FAM117B: variants seen among roughly 807,000 people sequenced by gnomAD.
FAM117B encodes the protein family with sequence similarity 117 member B.
In FAM117B, 22 loss-of-function variants were observed where a neutral mutation model predicts 52.8. That is an observed-to-expected ratio of 0.42 (90% CI 0.30 to 0.59). The LOEUF (loss-of-function observed/expected upper bound fraction) is 0.59. FAM117B is among the 20% of genes least tolerant of loss of function. The pLI, the probability that FAM117B is intolerant of heterozygous loss-of-function variation, is 0.22. For missense variants in FAM117B, 678 were observed against 802.6 expected (o/e 0.84, Z 1.88); for synonymous variants, 309 against 324.1 (o/e 0.95, Z 0.50).
chr2:202,696,737 G>A (rs961019954), intron 2 of FAM117B, among the ~76,000 whole-genome samples: 7 of 152,092 alleles, frequency 4.6e-5, no homozygotes, highest in African/African-American at 1.4e-4. Flanking sequence ...TATACTTCTG[G>A]GTTTGTAAAA....
At chr2:202,655,285 TGGG>T in intron 1 of FAM117B, among the ~76,000 whole-genome samples, 1 of 152,282 alleles carries the variant, frequency 6.6e-6, no homozygotes, top group Middle Eastern at 3.4e-3. Context: ...TGAAGGGTAT[TGGG>T]GAGTTTGTAG....
chr2:202,661,655 C>T (rs1690128099), intron 1 of FAM117B, among the ~76,000 whole-genome samples: 1 of 152,134 alleles, frequency 6.6e-6, no homozygotes, highest in Non-Finnish European at 1.5e-5. Context: ...TTGGCTCACA[C>T]CTGCAATCCT....
chr2:202,675,984 C>CAAAAAA (rs778502048), intron 1 of FAM117B, among the ~76,000 whole-genome samples: 3 of 56,748 alleles, frequency 5.3e-5, no homozygotes, highest in Non-Finnish European at 7.8e-5. Context: ...GACACAGTCT[C>CAAAAAA]AAAAAAAAAA....
intron 4 of FAM117B, among the ~76,000 whole-genome samples, chr2:202,726,579 T>C (rs370646294): frequency 6.6e-6 from 1 of 152,210 alleles, no homozygotes; most frequent in Non-Finnish European, 1.5e-5. Flanking sequence ...CTAGGAGACA[T>C]AGCTACTTAT....
chr2:202,657,971 C>G (rs922576778), intron 1 of FAM117B, among the ~76,000 whole-genome samples: 1 of 152,120 alleles, frequency 6.6e-6, no homozygotes, highest in Non-Finnish European at 1.5e-5. Context: ...TAATACTTTA[C>G]TGCTTCAGGT....
chr2:202,660,716 C>T (rs1219205283), intron 1 of FAM117B, among the ~76,000 whole-genome samples: 2 of 152,122 alleles, frequency 1.3e-5, no homozygotes, highest in Non-Finnish European at 2.9e-5. Flanking sequence ...CATGAACTTC[C>T]TACAACTGGA....
At chr2:202,677,190 C>T (rs907616452) in intron 1 of FAM117B, among the ~76,000 whole-genome samples, 2 of 152,000 alleles carry the variant, frequency 1.3e-5, no homozygotes, top group Admixed American at 1.3e-4. Flanking sequence ...GCCTCAGCCT[C>T]CCGAGTAGCT....
intron 4 of FAM117B, among the ~76,000 whole-genome samples, chr2:202,744,052 G>A (rs1191167079): frequency 6.6e-6 from 1 of 152,150 alleles, no homozygotes; most frequent in East Asian, 1.9e-4. Context: ...AACCCAAAAA[G>A]GTCTTCTCCA....
chr2:202,740,596 T>C (rs1691518046), intron 4 of FAM117B, among the ~76,000 whole-genome samples: 1 of 152,090 alleles, frequency 6.6e-6, no homozygotes, highest in African/African-American at 2.4e-5. Context: ...TACAGGAAAA[T>C]AGTGTGGAAG....
rs2105787101 is a variant in FAM117B at position 202,725,104 on chromosome 2, C to G, written c.846+95C>G. The G allele has an allele frequency of 1.6e-5, 14 of 873,258 alleles. No individual in the cohort carries two copies. In the South Asian group the frequency reaches 2.6e-4, roughly 16 times the overall value. 54.1% of individuals were successfully genotyped at this position (873,258 alleles called of 1,614,324 possible). On this transcript the variant is annotated intron_variant, in intron 3 of 7. Coordinates refer to ENST00000392238, the MANE Select transcript of FAM117B (RefSeq NM_173511.4). ...ATGGGCAGCAAGGATTTGTCGTTTT[C>G]CATTGATTTCTTTTTTCTTTTTGGC...
intron 1 of FAM117B, among the ~76,000 whole-genome samples, chr2:202,640,276 A>ACCACCAC (rs1299275212): frequency 8.2e-6 from 1 of 121,656 alleles, no homozygotes; most frequent in Non-Finnish European, 1.7e-5. Context: ...CGTCACAACA[A>ACCACCAC]CCACCACCAC....
intron 1 of FAM117B, among the ~76,000 whole-genome samples, chr2:202,683,414 A>G (rs528467886): frequency 2.0e-5 from 3 of 152,236 alleles, no homozygotes; most frequent in Non-Finnish European, 1.5e-5. Context: ...GAAAGGATAA[A>G]TAAAATTGAT....
chr2:202,668,237 ATT>A (rs1235692121), intron 1 of FAM117B, among the ~76,000 whole-genome samples: 1 of 145,658 alleles, frequency 6.9e-6, no homozygotes, highest in Non-Finnish European at 1.5e-5. Flanking sequence ...ATATATTAAT[ATT>A]TATATATTTA....
chr2:202,644,074 T>TTTTTTTTTTTG (rs1689820887), intron 1 of FAM117B, among the ~76,000 whole-genome samples: 1 of 146,672 alleles, frequency 6.8e-6, no homozygotes, highest in African/African-American at 2.5e-5. Flanking sequence ...GTTTTTTTTT[T>TTTTTTTTTTTG]TTTTTTTTTT....
intron 4 of FAM117B, among the ~76,000 whole-genome samples, chr2:202,744,700 T>A (rs1574578871): frequency 6.6e-6 from 1 of 152,120 alleles, no homozygotes; most frequent in African/African-American, 2.4e-5. Context: ...TGGCTGGGCA[T>A]GGTGGCTCAC....
intron 7 of FAM117B, 112 bp downstream of exon 7, chr2:202,759,465 C>T: frequency 7.3e-7 from 1 of 1,363,568 alleles, no homozygotes; most frequent in Non-Finnish European, 9.8e-7. Flanking sequence ...TCACAGGTCA[C>T]ACTGCAACCT....
chr2:202,759,139 G>T, intron 6 of FAM117B, 94 bp from the exon 7 acceptor site: 1 of 1,354,358 alleles, frequency 7.4e-7, no homozygotes, highest in Non-Finnish European at 1.0e-6. Flanking sequence ...CACTGTTCCT[G>T]CCCTCAAGTA....
intron 1 of FAM117B, among the ~76,000 whole-genome samples, chr2:202,645,479 C>T (rs554391792): frequency 3.5e-4 from 52 of 149,134 alleles, no homozygotes; most frequent in African/African-American, 1.1e-3. Context: ...TTAGTAGAGA[C>T]GGGGTTTCAC....
Position 202,768,931 on chromosome 2 carries a change from TATAAA to T in FAM117B, c.*3168_*3172del, listed in dbSNP as rs1420220811. 6.6e-6 allele frequency: 1 copy of T among 152,198 alleles called. No homozygotes were observed. The highest frequency in any genetic ancestry group is 1.9e-4 in the East Asian group (1 of 5,206). The allele number at this position is 152,198 out of a possible 1,614,324, so 9.4% of individuals were successfully genotyped here. A position where few individuals can be genotyped will look rare whatever the true frequency, so the allele number is the denominator to read the frequency against. Reference sequence around the variant, plus strand: ...TTCTTCTTTGTGATGATAAAAATAATATAAATTTACTGTTTCTGATCATGACTGAG... The same window carrying T: ...TTCTTCTTTGTGATGATAAAAATAATTTTACTGTTTCTGATCATGACTGAG... On this transcript the variant is annotated 3_prime_UTR_variant, in exon 8 of 8. Transcript: ENST00000392238.
Sources: gnomAD v4.1 joint callset for allele counts (sites outside exome capture counted in the v4.1 genomes callset) on GRCh38, gnomAD v4.1.1 for gene constraint, MANE v1.5 for transcripts, NCBI Gene and HGNC (gene_info 2026-07-23, HGNC 2026-07-21) for gene names.